The following MEF2A variants were observed in gnomAD, a reference collection of about 807,000 sequenced individuals.
MEF2A encodes myocyte enhancer factor 2A, also known as myocyte-specific enhancer factor 2A.
MEF2A carries 28 observed loss-of-function variants against 55.8 expected under a neutral mutation model. The observed-to-expected ratio is 0.50, with a 90% CI of 0.37 to 0.69. MEF2A has a LOEUF of 0.69. Among genes scored for constraint, MEF2A ranks in the 30% least tolerant of loss-of-function variants. MEF2A has a pLI of 0.00. For missense variants in MEF2A, 528 were observed against 626.2 expected (o/e 0.84, Z 1.67); for synonymous variants, 239 against 227.1 (o/e 1.05, Z -0.47).
intron 3 of MEF2A, among the ~76,000 whole-genome samples, chr15:99,639,756 C>T (rs530231015): frequency 6.6e-6 from 1 of 152,084 alleles, no homozygotes; most frequent in Non-Finnish European, 1.5e-5. Context: ...CCTTTCTTTT[C>T]TATTTTTTCT....
At chr15:99,688,316 G>T (rs1252085819) in intron 7 of MEF2A, among the ~76,000 whole-genome samples, 1 of 152,220 alleles carries the variant, frequency 6.6e-6, no homozygotes, top group Non-Finnish European at 1.5e-5. Flanking sequence ...TATAGGGGAT[G>T]TATTAACTTA....
chr15:99,611,779 A>G (rs1051551150), intron 2 of MEF2A, among the ~76,000 whole-genome samples: 7 of 152,234 alleles, frequency 4.6e-5, no homozygotes, highest in Non-Finnish European at 7.3e-5. Flanking sequence ...GATGTCTATC[A>G]CCTGATGAAT....
intron 4 of MEF2A, among the ~76,000 whole-genome samples, chr15:99,666,683 A>C (rs2049832758): frequency 6.6e-6 from 1 of 152,004 alleles, no homozygotes; most frequent in African/African-American, 2.4e-5. Flanking sequence ...GGTTTAATTA[A>C]TGCTAGACAA....
chr15:99,605,168 G>A lies in MEF2A; in HGVS notation c.-143+6657G>A, dbSNP rs955654613. ...TTGCCATGCTGGCCAGGCTGGTCTCGAACTCCTGGCCTCAAGTGATCTGGC... is the reference window on the plus strand; with the variant it reads ...TTGCCATGCTGGCCAGGCTGGTCTCAAACTCCTGGCCTCAAGTGATCTGGC... On this transcript the variant is annotated intron_variant, in intron 2 of 11. Transcript: ENST00000557942. Among the ~76,000 whole-genome samples, 5 of 152,082 alleles carry A rather than the reference G, an allele frequency of 3.3e-5. No homozygotes were observed. In the East Asian group the frequency reaches 9.6e-4, roughly 29 times the overall value.
Position 99,712,301 on chromosome 15 carries a change from T to C in MEF2A, c.1137-89T>C. The stretch of plus-strand genomic sequence containing the variant: ...TGATAAGATTTCAGACTCTGGGCCC[T>C]TTTCCATCAGGCAGTGTCTCTACTG... On this transcript the variant is annotated intron_variant, in intron 11 of 11. Transcript: ENST00000557942. This position sits in a 1 kb window ranked among gnomAD's most constrained non-coding sequence, Gnocchi z 4.1. 3 of 1,440,148 alleles carry C rather than the reference T, an allele frequency of 2.1e-6. No homozygotes were observed. Among genetic ancestry groups the C allele is most frequent in the East Asian group, 2.5e-5 (1 of 39,932 alleles). 89.2% of individuals were successfully genotyped at this position (1,440,148 alleles called of 1,614,324 possible).
chr15:99,665,756 G>T (rs879708545), intron 4 of MEF2A, among the ~76,000 whole-genome samples: 1 of 77,666 alleles, frequency 1.3e-5, no homozygotes, highest in African/African-American at 5.1e-5. Context: ...AAAAAAAAAA[G>T]CCATCAAAAA....
chr15:99,633,177 A>G lies in MEF2A; in HGVS notation c.54+4A>G. The stretch of plus-strand genomic sequence containing the variant: ...AATGGATGAAAGGAACCGACAGGTA[A>G]ATGAAAATTTTAATTTATTTAATTG... On this transcript the variant is annotated splice_donor_region_variant and intron_variant, in intron 3 of 11. Coordinates refer to ENST00000557942, the MANE Select transcript of MEF2A (RefSeq NM_001319206.4). 1 of 1,556,660 alleles carries G rather than the reference A, an allele frequency of 6.4e-7. No homozygotes were observed. The highest frequency in any genetic ancestry group is 8.7e-7 in the Non-Finnish European group (1 of 1,155,068).
At chr15:99,664,873 T>C (rs1186362393) in intron 4 of MEF2A, among the ~76,000 whole-genome samples, 2 of 152,214 alleles carry the variant, frequency 1.3e-5, no homozygotes, top group Non-Finnish European at 2.9e-5. Context: ...AACATTACTA[T>C]CATAAAATTA....
intron 1 of MEF2A, among the ~76,000 whole-genome samples, chr15:99,594,466 T>C (rs1191989161): frequency 6.3e-5 from 4 of 63,168 alleles, no homozygotes; most frequent in Non-Finnish European, 1.2e-4. Flanking sequence ...TTTCTTTTTT[T>C]TTTTTTTTTT....
At chr15:99,670,683 C>T (rs1230921184) in intron 4 of MEF2A, among the ~76,000 whole-genome samples, 1 of 151,852 alleles carries the variant, frequency 6.6e-6, no homozygotes, top group Non-Finnish European at 1.5e-5. Flanking sequence ...CCATGAAATA[C>T]ACTCTGAATA....
At chr15:99,577,404 T>TGCGGAATACCAGTTA (rs148702516) in intron 1 of MEF2A, among the ~76,000 whole-genome samples, 1 of 151,970 alleles carries the variant, frequency 6.6e-6, no homozygotes, top group East Asian at 1.9e-4. Context: ...GGCTAGGTGC[T>TGCGGAATACCAGTTA]GCAAGGCTTG....
At chr15:99,654,541 A>AAAAT (rs1296656365) in intron 4 of MEF2A, among the ~76,000 whole-genome samples, 52 of 151,096 alleles carry the variant, frequency 3.4e-4, no homozygotes, top group Non-Finnish European at 5.2e-4. Flanking sequence ...TCCATCTCAA[A>AAAAT]AAATAAATAA....
chr15:99,689,078 C>T (rs530433380), intron 7 of MEF2A, among the ~76,000 whole-genome samples: 1 of 152,076 alleles, frequency 6.6e-6, no homozygotes, highest in African/African-American at 2.4e-5. Flanking sequence ...CAACTAGTAC[C>T]CAAAAGTATT....
At chr15:99,684,592 A>C (rs2053863144) in intron 7 of MEF2A, among the ~76,000 whole-genome samples, 1 of 152,046 alleles carries the variant, frequency 6.6e-6, no homozygotes, top group Non-Finnish European at 1.5e-5. Context: ...TTCCTTGTAG[A>C]TTCTGGATAT....
At chr15:99,705,692 A>AT (rs1860282905) in intron 9 of MEF2A, among the ~76,000 whole-genome samples, 1 of 152,202 alleles carries the variant, frequency 6.6e-6, no homozygotes, top group South Asian at 2.1e-4. Flanking sequence ...TTTTTGTCTG[A>AT]TGTACCCTTT....
At chr15:99,605,111 A>AT (rs950106683) in intron 2 of MEF2A, among the ~76,000 whole-genome samples, 3 of 151,578 alleles carry the variant, frequency 2.0e-5, no homozygotes, top group South Asian at 2.1e-4. Context: ...ACACCCAGCT[A>AT]TTTTTTTTGT....
chr15:99,621,796 T>C (rs2041228294), intron 2 of MEF2A, among the ~76,000 whole-genome samples: 1 of 152,216 alleles, frequency 6.6e-6, no homozygotes, highest in Non-Finnish European at 1.5e-5. Flanking sequence ...CCTGTTTATT[T>C]CTTAAAGGAG....
In MEF2A at chr15:99,706,717, T is replaced by C; in HGVS notation, c.883-12T>C. 5 of 1,611,980 alleles carry C rather than the reference T, an allele frequency of 3.1e-6. No homozygotes were observed. Among genetic ancestry groups the C allele is most frequent in the Non-Finnish European group, 4.2e-6 (5 of 1,177,978 alleles). On this transcript the variant is annotated splice_polypyrimidine_tract_variant and intron_variant, in intron 9 of 11. Coordinates refer to ENST00000557942, the MANE Select transcript of MEF2A (RefSeq NM_001319206.4). ...CACATCAGAACACATTTTCTCTTTTTTGATCTCACAGAATACCCAGAGGAT... is the reference window on the plus strand; with the variant it reads ...CACATCAGAACACATTTTCTCTTTTCTGATCTCACAGAATACCCAGAGGAT...
At chr15:99,595,689 A>G (rs1254096677) in intron 1 of MEF2A, among the ~76,000 whole-genome samples, 1 of 152,244 alleles carries the variant, frequency 6.6e-6, no homozygotes, top group African/African-American at 2.4e-5. Context: ...ACAACTAACT[A>G]CAATAATTTT....
Sources: allele counts gnomAD v4.1 joint callset (sites outside exome capture counted in the v4.1 genomes callset), GRCh38; gene constraint gnomAD v4.1.1; non-coding constraint Gnocchi (gnomAD v3.1); transcripts MANE v1.5; gene names NCBI Gene and HGNC (gene_info 2026-07-23, HGNC 2026-07-21).